MS4A2: variants seen among roughly 807,000 people sequenced by gnomAD.
MS4A2 encodes the protein membrane spanning 4-domains A2.
MS4A2 carries 26 observed loss-of-function variants against 27.9 expected under a neutral mutation model. The ratio of observed to expected loss-of-function variants is 0.93; its 90% CI spans 0.68 to 1.29. The LOEUF is 1.29. Among genes scored for constraint, MS4A2 ranks in the 50% most tolerant of loss-of-function variants. MS4A2 has a pLI of 0.00. For synonymous variants in MS4A2, 110 were observed against 98.8 expected, an observed-to-expected ratio of 1.11 and a Z score of -0.67; for missense variants, 284 against 284.6, an observed-to-expected ratio of 1.00 and a Z score of 0.01.
At position 60,088,721 on chromosome 11, in the gene MS4A2, A is replaced by G; in HGVS notation, c.-45A>G. 2 of 1,589,830 alleles carry G rather than the reference A, an allele frequency of 1.3e-6. No individual in the cohort carries two copies. The highest frequency in any genetic ancestry group is 1.7e-6 in the Non-Finnish European group (2 of 1,165,300). The stretch of plus-strand genomic sequence containing the variant: ...GTAAGAGGAAATCCACCAAGTCTCA[A>G]TATAATAATATTCTTTATTCCTGGA... On this transcript the variant is annotated 5_prime_UTR_variant, in exon 1 of 7. Transcript: ENST00000278888.
chr11:60,088,956 A>G, intron 1 of MS4A2, 135 bp downstream of exon 1: 1 of 918,962 alleles, frequency 1.1e-6, no homozygotes, highest in East Asian at 2.7e-5. Context: ...ATTGGGTATG[A>G]GGAAGCTACT....
chr11:60,095,710 G>A lies in MS4A2; in HGVS notation c.*54G>A, dbSNP rs540293357. The A allele has an allele frequency of 2.2e-5, 27 of 1,239,622 alleles. No individual in the cohort carries two copies. The African/African-American group carries it at 3.7e-4, about 17-fold the overall frequency. 76.8% of individuals were successfully genotyped at this position (1,239,622 alleles called of 1,614,324 possible). A position where few individuals can be genotyped will look rare whatever the true frequency, so the allele number is the denominator to read the frequency against. On this transcript the variant is annotated 3_prime_UTR_variant, in exon 7 of 7. Coordinates refer to ENST00000278888, the MANE Select transcript of MS4A2 (RefSeq NM_000139.5). ...ACAGCCAAGGATCCAGAAGGCCAAG[G>A]TCTTGTTAAGGGGCTACTGGAAAAA...
Position 60,098,366 on chromosome 11 carries a change from C to T in MS4A2, c.*2710C>T, listed in dbSNP as rs983262877. 3 of 152,218 alleles carry T rather than the reference C, an allele frequency of 2.0e-5. No individual in the cohort carries two copies. Among genetic ancestry groups the T allele is most frequent in the African/African-American group, 7.2e-5 (3 of 41,446 alleles). 9.4% of individuals were successfully genotyped at this position (152,218 alleles called of 1,614,324 possible). On this transcript the variant is annotated 3_prime_UTR_variant, in exon 7 of 7. Coordinates refer to ENST00000278888, the MANE Select transcript of MS4A2 (RefSeq NM_000139.5). Reference sequence around the variant, plus strand: ...TTCTTGCTCCATAACTACTCTATCCCACGATGCAGTATTGTATCATTAATT... The same window carrying T: ...TTCTTGCTCCATAACTACTCTATCCTACGATGCAGTATTGTATCATTAATT...
rs34248648 is a variant in MS4A2 at position 60,089,629 on chromosome 11, C to T, written c.57-63C>T. The T allele has an allele frequency of 2.2e-5, 36 of 1,604,330 alleles. No individual in the cohort carries two copies. The South Asian group carries it at 2.3e-4, about 10-fold the overall frequency. ...AAACAAAACTCCCCTTTCTGTCTGT[C>T]GAGAATGTTGCACAGGGAGTTACAG... On this transcript the variant is annotated intron_variant, in intron 1 of 6. Transcript: ENST00000278888.
At chr11:60,088,545 G>C (rs1397156309), upstream of MS4A2, 15 of 1,290,538 alleles carry the variant, frequency 1.2e-5, no homozygotes, top group East Asian at 2.3e-4. Context: ...TCTTTATTTA[G>C]TAGACTTCTT....
chr11:60,089,736 C>T lies in MS4A2; in HGVS notation c.101C>T (p.Ser34Phe), dbSNP rs199688918. 4.6e-4 allele frequency: 736 copies of T among 1,614,058 alleles called. 1 individual carries two copies. The highest frequency in any genetic ancestry group is 5.8e-4 in the Non-Finnish European group (686 of 1,180,030). The change falls in exon 2 of 7, where the codon TCT becomes TTT. Residue 34 changes from serine to phenylalanine, a missense_variant. Coordinates refer to ENST00000278888, the MANE Select transcript of MS4A2 (RefSeq NM_000139.5). ...TTGGAAATATCTCCCCAGGAAGTATCTTCAGGCAGACTATTGAAGTCGGCC... is the reference window on the plus strand; with the variant it reads ...TTGGAAATATCTCCCCAGGAAGTATTTTCAGGCAGACTATTGAAGTCGGCC... ...EVLEISPQEV[S>F]SGRLLKSASS...
Position 60,089,599 on chromosome 11 carries a change from A to T in MS4A2, c.57-93A>T, listed in dbSNP as rs563961356. The T allele has an allele frequency of 1.7e-4, 267 of 1,559,120 alleles. 1 individual carries two copies. In the African/African-American group the frequency reaches 3.2e-3, roughly 19 times the overall value. The stretch of plus-strand genomic sequence containing the variant: ...ATTTGAATTACAGGATGGCTTTGAA[A>T]AAATAAACAAAACTCCCCTTTCTGT... On this transcript the variant is annotated intron_variant, in intron 1 of 6. Transcript: ENST00000278888.
At chr11:60,093,581 G>A (rs1271661329) in intron 5 of MS4A2, 23 bp downstream of exon 5, 4 of 1,613,684 alleles carry the variant, frequency 2.5e-6, no homozygotes, top group Non-Finnish European at 3.4e-6. Context: ...TTTTGTGTGG[G>A]AAGACTAAGA....
intron 5 of MS4A2, 192 bp downstream of exon 5, chr11:60,093,750 G>T: frequency 1.1e-6 from 1 of 883,608 alleles, no homozygotes. Context: ...ATTCCTCGGG[G>T]TTAAAGTTAT....
chr11:60,092,296 CT>C (rs3038646), intron 3 of MS4A2, among the ~76,000 whole-genome samples: 5,812 of 139,726 alleles, frequency 0.042, 251 homozygotes, highest in African/African-American at 0.1. Context: ...TTCATATACA[CT>C]TTTTTTTTTT....
Position 60,096,000 on chromosome 11 carries a change from GTTTGATAATA to G in MS4A2, c.*349_*358del. Reference sequence around the variant, plus strand: ...CTGAAAGTTGAGTTAAACTTTGACAGTTTGATAATATTTGGTTCTTAGGGTTTTTTTTTTT... The same window carrying G: ...CTGAAAGTTGAGTTAAACTTTGACAGTTTGGTTCTTAGGGTTTTTTTTTTT... On this transcript the variant is annotated 3_prime_UTR_variant, in exon 7 of 7. Coordinates refer to ENST00000278888, the MANE Select transcript of MS4A2 (RefSeq NM_000139.5). 3.9e-6 allele frequency: 1 copy of G among 256,486 alleles called. No individual in the cohort carries two copies. Among genetic ancestry groups the G allele is most frequent in the South Asian group, 4.7e-5 (1 of 21,364 alleles). 15.9% of individuals were successfully genotyped at this position (256,486 alleles called of 1,614,324 possible). A position where few individuals can be genotyped will look rare whatever the true frequency, so the allele number is the denominator to read the frequency against.
chr11:60,094,842 A>G (rs773681364), intron 6 of MS4A2, among the ~76,000 whole-genome samples: 2 of 152,126 alleles, frequency 1.3e-5, no homozygotes, highest in African/African-American at 2.4e-5. Context: ...CAAAACAACA[A>G]CAACAAAAAC....
At chr11:60,089,646 G>T in intron 1 of MS4A2, 46 bp from the exon 2 acceptor site, 2 of 1,613,312 alleles carry the variant, frequency 1.2e-6, no homozygotes, top group South Asian at 1.1e-5. Flanking sequence ...GTTGCACAGG[G>T]AGTTACAGAA....
At chr11:60,088,528 A>G (rs1475177506), upstream of MS4A2, 2 of 1,156,660 alleles carry the variant, frequency 1.7e-6, no homozygotes, top group Non-Finnish European at 1.1e-6. Flanking sequence ...TTCTTATTTC[A>G]TATTAGTCTT....
At chr11:60,093,109 C>G (rs1031133555) in intron 4 of MS4A2, among the ~76,000 whole-genome samples, 1 of 152,126 alleles carries the variant, frequency 6.6e-6, no homozygotes, top group Admixed American at 6.5e-5. Context: ...GTCCTCACAC[C>G]GGCATTGTCC....
In MS4A2 at chr11:60,092,691, C is replaced by A. The variant is rs547221766; in HGVS notation, c.322-101C>A. On this transcript the variant is annotated intron_variant, in intron 3 of 6. Coordinates refer to ENST00000278888, the MANE Select transcript of MS4A2 (RefSeq NM_000139.5). ...AGGTGACATTAATAAGTAACTTTAT[C>A]GAGTACCCCAAATGTTACCTATGTT... 5.0e-6 allele frequency: 5 copies of A among 1,008,764 alleles called. No individual in the cohort carries two copies. The South Asian group carries it at 6.9e-5, about 14-fold the overall frequency. The allele number at this position is 1,008,764 out of a possible 1,614,324, so 62.5% of individuals were successfully genotyped here.
chr11:60,093,592 T>A (rs113607645), intron 5 of MS4A2, 34 bp downstream of exon 5: 2 of 1,613,298 alleles, frequency 1.2e-6, no homozygotes, highest in East Asian at 4.5e-5. Context: ...AAGACTAAGA[T>A]TCTGGGTCCT....
intron 4 of MS4A2, 113 bp from the exon 5 acceptor site, chr11:60,093,287 A>G: frequency 7.1e-7 from 1 of 1,399,762 alleles, no homozygotes; most frequent in South Asian, 1.2e-5. Flanking sequence ...TTTAACCAAA[A>G]TTTGGAAGCA....
intron 3 of MS4A2, among the ~76,000 whole-genome samples, chr11:60,091,977 G>A (rs560303485): frequency 6.6e-6 from 1 of 152,268 alleles, no homozygotes; most frequent in Admixed American, 6.5e-5. Context: ...ATATCATCAT[G>A]TACATTTTCA....
Sources: allele counts gnomAD v4.1 joint callset (sites outside exome capture counted in the v4.1 genomes callset), GRCh38; gene constraint gnomAD v4.1.1; transcripts MANE v1.5; gene names NCBI Gene and HGNC (gene_info 2026-07-23, HGNC 2026-07-21).